Variants in CYP24A1 observed in about 807,000 individuals in gnomAD.
CYP24A1 encodes 1,25-dihydroxyvitamin D(3) 24-hydroxylase, mitochondrial.
In CYP24A1, 68 loss-of-function variants were observed where a neutral mutation model predicts 62.4. That is an observed-to-expected ratio of 1.09 (90% CI 0.90 to 1.33). The LOEUF (loss-of-function observed/expected upper bound fraction) is 1.33, where lower values mean the gene tolerates loss of function less well. CYP24A1 is among the 40% of genes most tolerant of loss of function. The pLI, the probability that CYP24A1 is intolerant of heterozygous loss-of-function variation, is 0.00. For synonymous variants in CYP24A1, 267 were observed against 253.0 expected (o/e 1.06, Z -0.52); for missense variants, 787 against 653.0 (o/e 1.21, Z -2.24).
the CYP24A1 span, among the ~76,000 whole-genome samples, chr20:54,145,639 CAAAAAAA>C: frequency 9.6e-5 from 9 of 93,850 alleles, no homozygotes; most frequent in Non-Finnish European, 1.7e-4. Context: ...GACTCTGTCT[CAAAAAAA>C]AAAAAAAAAA....
At position 54,159,234 on chromosome 20, in the gene CYP24A1, A is replaced by G. The variant is rs2092641157; in HGVS notation, c.991-111T>C. 5.8e-6 allele frequency: 5 copies of G among 859,084 alleles called. No homozygotes were observed. The African/African-American group carries it at 8.3e-5, about 14-fold the overall frequency. The allele number at this position is 859,084 out of a possible 1,614,324, so 53.2% of individuals were successfully genotyped here. ...CCTTATTCTGCAAATGTATCAGTGA[A>G]GCTCTTTCACGCGTCCTTATAGCTA... is the stretch of plus-strand genomic sequence containing the variant. On this transcript the variant is annotated intron_variant, in intron 7 of 11. Transcript: ENST00000216862.
chr20:54,145,572 G>A, the CYP24A1 span, among the ~76,000 whole-genome samples: 1,655 of 150,974 alleles, frequency 0.011, 38 homozygotes, highest in African/African-American at 0.038. Flanking sequence ...CCCGGGAGGC[G>A]GAGGTTGCAG....
At position 54,165,726 on chromosome 20, in the gene CYP24A1, TAAA is replaced by T. The variant is rs764172300; in HGVS notation, c.732+13_732+15del. ...ACATCAATCAAGAAAACTGCTTTCT[TAAA>T]GAGGCTGCTTACTGTTTTGATGGCC... On this transcript the variant is annotated intron_variant, in intron 5 of 11. Transcript: ENST00000216862. 1.7e-5 allele frequency: 22 copies of T among 1,266,218 alleles called. No homozygotes were observed. The highest frequency in any genetic ancestry group is 2.4e-5 in the Non-Finnish European group (21 of 861,722). 78.4% of individuals were successfully genotyped at this position (1,266,218 alleles called of 1,614,324 possible). A position where few individuals can be genotyped will look rare whatever the true frequency, so the allele number is the denominator to read the frequency against.
Position 54,173,169 on chromosome 20 carries a change from C to T in CYP24A1, c.259-70G>A. 2 of 1,567,488 alleles carry T rather than the reference C, an allele frequency of 1.3e-6. No individual in the cohort carries two copies. The highest frequency in any genetic ancestry group is 8.7e-7 in the Non-Finnish European group (1 of 1,149,076). ...CCGTGCCCGAAGCGCTTTCCCTCCT[C>T]CCGCCTCCTTCCTCCTAGGGGACCG... On this transcript the variant is annotated intron_variant, in intron 1 of 11. Coordinates refer to ENST00000216862, the MANE Select transcript of CYP24A1 (RefSeq NM_000782.5). The surrounding 1 kb of genome is among the most constrained non-coding windows in gnomAD (Gnocchi z 7.2).
chr20:54,164,043 C>A (rs537028207), intron 6 of CYP24A1, among the ~76,000 whole-genome samples: 10 of 152,292 alleles, frequency 6.6e-5, no homozygotes, highest in African/African-American at 2.4e-4. Flanking sequence ...TCAAGCAATT[C>A]TCCTGCCTCA....
intron 4 of CYP24A1, among the ~76,000 whole-genome samples, chr20:54,168,529 C>T (rs1477168490): frequency 6.6e-6 from 1 of 152,170 alleles, no homozygotes; most frequent in South Asian, 2.1e-4. Flanking sequence ...CACCTCCTGG[C>T]ATTTGCACTT....
chr20:54,169,741 A>T, intron 3 of CYP24A1, 53 bp from the exon 4 acceptor site: 1 of 1,611,298 alleles, frequency 6.2e-7, no homozygotes. Flanking sequence ...GAAGGAAAAC[A>T]AAACTTTAAA....
chr20:54,161,479 C>G (rs1419888046), intron 7 of CYP24A1, among the ~76,000 whole-genome samples: 2 of 152,172 alleles, frequency 1.3e-5, no homozygotes, highest in Non-Finnish European at 2.9e-5. Context: ...ACCCTTGTCT[C>G]TGGTTCATGG....
intron 7 of CYP24A1, among the ~76,000 whole-genome samples, chr20:54,159,397 G>GTTTTTTT (rs10689729): frequency 1.4e-5 from 2 of 140,124 alleles, no homozygotes; most frequent in Admixed American, 7.2e-5. Flanking sequence ...TTTAAATACA[G>GTTTTTTT]TTTTTTTTTT....
chr20:54,157,777 A>G (rs2092634797), intron 9 of CYP24A1, among the ~76,000 whole-genome samples, 192 bp from the exon 10 acceptor site: 1 of 152,228 alleles, frequency 6.6e-6, no homozygotes, highest in African/African-American at 2.4e-5. Flanking sequence ...AGAATTGTGC[A>G]CCATACTCAC....
chr20:54,159,167 G>C (rs1218790105), intron 7 of CYP24A1, 44 bp from the exon 8 acceptor site: 1 of 1,474,114 alleles, frequency 6.8e-7, no homozygotes, highest in Non-Finnish European at 9.5e-7. Context: ...GTAAATAACT[G>C]CATTAAACCA....
rs371873677 is a variant in CYP24A1, at chr20:54,162,826, G to A, written c.881C>T (p.Ser294Phe). 1.9e-6 allele frequency: 3 copies of A among 1,563,040 alleles called. No homozygotes were observed. Among genetic ancestry groups the A allele is most frequent in the Non-Finnish European group, 1.8e-6 (2 of 1,133,678 alleles). The change falls in exon 7 of 12, where the codon TCT (serine) becomes TTT (phenylalanine). Residue 294 changes from serine (S) to phenylalanine (F), a missense_variant. Physicochemically the swap from Ser to Phe is radical, Grantham distance 155. Transcript: ENST00000216862. ...ACIDNRLEKY[S>F]QQPSADFLCD... is the part of the protein sequence containing the mutation. ...AAGGAAATCTGCACTAGGCTGCTGA[G>A]AATACTTCTCTAACCGGTTGTCGAT...
downstream of CYP24A1, among the ~76,000 whole-genome samples, chr20:54,150,030 C>T (rs1213301695): frequency 6.6e-6 from 1 of 152,190 alleles, no homozygotes; most frequent in Admixed American, 6.5e-5. Flanking sequence ...CCTAGTGTTC[C>T]ATTAGTGGAA....
intron 3 of CYP24A1, among the ~76,000 whole-genome samples, chr20:54,171,080 T>C (rs2092692161): frequency 6.6e-6 from 1 of 152,238 alleles, no homozygotes; most frequent in South Asian, 2.1e-4. Context: ...AGAAGGCTAC[T>C]CTGTCTGCCT....
In CYP24A1 at chr20:54,170,819, T is replaced by C. The variant is rs17219266; in HGVS notation, c.543+758A>G. Among the ~76,000 whole-genome samples the C allele has an allele frequency of 1.8e-3, 281 of 152,296 alleles. 1 individual carries two copies. Among genetic ancestry groups the C allele is most frequent in the Non-Finnish European group, 3.5e-3 (240 of 68,030 alleles). ...TTCTGAGTTTGCAATCCTTCACCTA[T>C]ATGATCCCATCTGGGGACGCATCCA... On this transcript the variant is annotated intron_variant, in intron 3 of 11. Coordinates refer to ENST00000216862, the MANE Select transcript of CYP24A1 (RefSeq NM_000782.5).
rs777011420 is a variant in CYP24A1 at position 54,158,967 on chromosome 20, C to G, written c.1147G>C (p.Glu383Gln). Residue 383 changes from glutamate (E) to glutamine (Q), a missense_variant, in exon 8 of 12, where the codon GAA (glutamate) becomes CAA (glutamine). Coordinates refer to ENST00000216862, the MANE Select transcript of CYP24A1 (RefSeq NM_000782.5). Reference protein sequence around the residue: ...NMPYLKACLKESMRLTPSVPF... With the variant: ...NMPYLKACLKQSMRLTPSVPF... ...GAGATAGGCTCTTACCTCATAGATT[C>G]TTTCAGACAGGCTTTTAAATACGGC... 1.6e-5 allele frequency: 26 copies of G among 1,614,072 alleles called. No individual in the cohort carries two copies. In the Admixed American group the frequency reaches 3.0e-4, roughly 19 times the overall value.
downstream of CYP24A1, among the ~76,000 whole-genome samples, chr20:54,151,890 G>C (rs886669987): frequency 1.2e-4 from 16 of 133,014 alleles, no homozygotes; most frequent in African/African-American, 2.8e-4. Flanking sequence ...GGTGTGAAAT[G>C]GGAAGAATGA....
chr20:54,149,589 G>T (rs1168041729), downstream of CYP24A1, among the ~76,000 whole-genome samples: 1 of 152,168 alleles, frequency 6.6e-6, no homozygotes, highest in Non-Finnish European at 1.5e-5. Context: ...ATTCCTCAAC[G>T]TTTGTAGCAG....
chr20:54,162,964 T>A, intron 6 of CYP24A1, 102 bp from the exon 7 acceptor site: 2 of 767,102 alleles, frequency 2.6e-6, no homozygotes, highest in Non-Finnish European at 2.4e-6. Flanking sequence ...AATATCTAAA[T>A]AGTCTTTTCA....
Sources: gnomAD v4.1 joint callset for allele counts (sites outside exome capture counted in the v4.1 genomes callset) on GRCh38, gnomAD v4.1.1 for gene constraint, Gnocchi (gnomAD v3.1) non-coding constraint, MANE v1.5 for transcripts, NCBI Gene and HGNC (gene_info 2026-07-23, HGNC 2026-07-21) for gene names.